The following FBXO21 variants were observed in gnomAD, a reference collection of about 807,000 sequenced individuals.
FBXO21 encodes F-box only protein 21.
A neutral mutation model predicts 76.6 loss-of-function variants in FBXO21; 32 were observed. That is an observed-to-expected ratio of 0.42 (90% CI 0.32 to 0.56). The LOEUF is 0.56. FBXO21 is among the 20% of genes least tolerant of loss of function. FBXO21 has a pLI of 0.16. For missense variants in FBXO21, 586 were observed against 797.3 expected, an observed-to-expected ratio of 0.73 and a Z score of 3.19; for synonymous variants, 328 against 311.5, an observed-to-expected ratio of 1.05 and a Z score of -0.56.
intron 9 of FBXO21, among the ~76,000 whole-genome samples, chr12:117,162,790 A>G (rs75953926): frequency 0.013 from 1,907 of 152,148 alleles, 38 homozygotes; most frequent in African/African-American, 0.044. Flanking sequence ...CAAACTGCAC[A>G]CTCATCAGCA....
At chr12:117,174,135 T>A in intron 6 of FBXO21, 70 bp downstream of exon 6, 1 of 1,293,778 alleles carries the variant, frequency 7.7e-7, no homozygotes, top group African/African-American at 1.5e-5. Context: ...AGACCCTGTC[T>A]CTAAAAACAG....
rs114045967 is a variant in FBXO21 at position 117,156,878 on chromosome 12, C to T, written c.1518-930G>A. ...ATCATATTAGGGAGGACTAATAACT[C>T]AATAGAAAAAAATACACGAAATGGG... On this transcript the variant is annotated intron_variant, in intron 10 of 11. Transcript: ENST00000622495. Among the ~76,000 whole-genome samples, 399 of 152,198 alleles carry T rather than the reference C, an allele frequency of 2.6e-3. 1 individual carries two copies. The highest frequency in any genetic ancestry group is 9.1e-3 in the African/African-American group (380 of 41,536).
At position 117,141,991 on chromosome 12, in the gene FBXO21, T is replaced by C. The variant is rs2135834267; in HGVS notation, c.*4096A>G. The C allele has an allele frequency of 6.6e-6, 1 of 152,380 alleles. No individual in the cohort carries two copies. The highest frequency in any genetic ancestry group is 2.1e-4 in the South Asian group (1 of 4,834). 9.4% of individuals were successfully genotyped at this position (152,380 alleles called of 1,614,324 possible). ...ACGTTCTATGGTGTTTGAGCCATTG[T>C]TGCTTTTCGGGTCTATTTATTACAG... On this transcript the variant is annotated 3_prime_UTR_variant, in exon 12 of 12. Transcript: ENST00000622495. This position sits in a 1 kb window ranked among gnomAD's most constrained non-coding sequence, Gnocchi z 4.3.
rs1297052174 is a variant in FBXO21 at position 117,142,470 on chromosome 12, T to C, written c.*3617A>G. 2.6e-5 allele frequency: 4 copies of C among 152,242 alleles called. No individual in the cohort carries two copies. The highest frequency in any genetic ancestry group is 5.9e-5 in the Non-Finnish European group (4 of 68,034). The allele number at this position is 152,242 out of a possible 1,614,324, so 9.4% of individuals were successfully genotyped here. ...AACATGTGACAGTCTGTACGTGGCC[T>C]GCAAAGCCTAAAATCTTTACTATCT... is the stretch of plus-strand genomic sequence containing the variant. On this transcript the variant is annotated 3_prime_UTR_variant, in exon 12 of 12. Transcript: ENST00000622495.
intron 11 of FBXO21, among the ~76,000 whole-genome samples, chr12:117,146,723 G>A (rs777705066): frequency 2.0e-5 from 3 of 152,128 alleles, no homozygotes; most frequent in Non-Finnish European, 4.4e-5. Flanking sequence ...TCTATTCACA[G>A]GAGCCCCTCA....
At chr12:117,174,167 A>G (rs766853754) in intron 6 of FBXO21, 38 bp downstream of exon 6, 8 of 1,526,254 alleles carry the variant, frequency 5.2e-6, no homozygotes, top group East Asian at 2.3e-5. Flanking sequence ...TACTATACCT[A>G]TATTACTATA....
chr12:117,188,972 C>T (rs779219937), intron 2 of FBXO21: 28 of 501,204 alleles, frequency 5.6e-5, no homozygotes, highest in Non-Finnish European at 1.0e-4. Flanking sequence ...CATTGTGCTG[C>T]GTGGGTCCCT....
chr12:117,188,664 A>C (rs1420165631), intron 2 of FBXO21: 2 of 151,672 alleles, frequency 1.3e-5, no homozygotes, highest in Admixed American at 6.6e-5. Flanking sequence ...AAAAAAAAAA[A>C]AAACCCAAAA....
intron 6 of FBXO21, among the ~76,000 whole-genome samples, chr12:117,173,531 A>G (rs949870602): frequency 6.6e-6 from 1 of 152,258 alleles, no homozygotes. Flanking sequence ...AAAAATAAAT[A>G]TAACAGATGC....
chr12:117,187,772 A>T (rs912759161), intron 2 of FBXO21, among the ~76,000 whole-genome samples: 1 of 152,266 alleles, frequency 6.6e-6, no homozygotes, highest in African/African-American at 2.4e-5. Context: ...CTCATAGTCC[A>T]TGACCAACTG....
intron 7 of FBXO21, among the ~76,000 whole-genome samples, chr12:117,168,264 G>A (rs111576798): frequency 0.041 from 6,183 of 152,212 alleles, 194 homozygotes; most frequent in Non-Finnish European, 0.066. Flanking sequence ...GGTGGCTAAC[G>A]CCTGTAATCT....
chr12:117,157,845 T>C lies in FBXO21; in HGVS notation c.1517+28A>G, dbSNP rs374405525. On this transcript the variant is annotated intron_variant, in intron 10 of 11. Coordinates refer to ENST00000622495, the MANE Select transcript of FBXO21 (RefSeq NM_015002.3). Reference sequence around the variant, plus strand: ...TCTGCAGCCCCTCTGGAACGGACACTGCAGGACAGATGATCCCGGGCACTC... The same window carrying C: ...TCTGCAGCCCCTCTGGAACGGACACCGCAGGACAGATGATCCCGGGCACTC... 4.5e-6 allele frequency: 7 copies of C among 1,570,146 alleles called. No homozygotes were observed. The African/African-American group carries it at 9.4e-5, about 21-fold the overall frequency.
chr12:117,180,504 G>A (rs1461070948), intron 3 of FBXO21, among the ~76,000 whole-genome samples: 1 of 152,090 alleles, frequency 6.6e-6, no homozygotes, highest in Non-Finnish European at 1.5e-5. Flanking sequence ...GGAGAATTCT[G>A]CTTCTCCAGG....
At chr12:117,182,629 C>G (rs1172046349) in intron 3 of FBXO21, among the ~76,000 whole-genome samples, 1 of 129,072 alleles carries the variant, frequency 7.7e-6, no homozygotes, top group East Asian at 2.5e-4. Context: ...GTGGTGCAAT[C>G]TCAGCTTACT....
chr12:117,149,987 G>C (rs1181627974), intron 11 of FBXO21, among the ~76,000 whole-genome samples: 2 of 152,186 alleles, frequency 1.3e-5, no homozygotes, highest in African/African-American at 4.8e-5. Context: ...GGTGCTCCCA[G>C]CCCCACTCCT....
chr12:117,159,688 A>G (rs1465603166), intron 9 of FBXO21, among the ~76,000 whole-genome samples: 2 of 152,216 alleles, frequency 1.3e-5, no homozygotes. Flanking sequence ...CAGTGCCTGC[A>G]TAATGGCTGT....
intron 11 of FBXO21, among the ~76,000 whole-genome samples, chr12:117,154,014 G>A (rs924056621): frequency 1.3e-5 from 2 of 152,190 alleles, no homozygotes; most frequent in Non-Finnish European, 2.9e-5. Context: ...ATGCCATGTG[G>A]TAAAGCCATA....
intron 7 of FBXO21, among the ~76,000 whole-genome samples, chr12:117,167,418 C>G (rs1956065337): frequency 6.6e-6 from 1 of 152,196 alleles, no homozygotes; most frequent in African/African-American, 2.4e-5. Context: ...AGGTAACCGT[C>G]TGTGGATCCT....
rs1374515379 is a variant in FBXO21, at chr12:117,146,016, C to T, written c.*71G>A. ...GCAGGTCCCGAGGGCTCCGTGGAGA[C>T]GTCTTCTTCCGGAGTCCCGTTCTCT... On this transcript the variant is annotated 3_prime_UTR_variant, in exon 12 of 12. Transcript: ENST00000622495. 25 of 1,327,376 alleles carry T rather than the reference C, an allele frequency of 1.9e-5. No individual in the cohort carries two copies. Among genetic ancestry groups the T allele is most frequent in the Admixed American group, 2.5e-5 (1 of 40,680 alleles). 82.2% of individuals were successfully genotyped at this position (1,327,376 alleles called of 1,614,324 possible). A position where few individuals can be genotyped will look rare whatever the true frequency, so the allele number is the denominator to read the frequency against.
Sources: allele counts gnomAD v4.1 joint callset (sites outside exome capture counted in the v4.1 genomes callset), GRCh38; gene constraint gnomAD v4.1.1; non-coding constraint Gnocchi (gnomAD v3.1); transcripts MANE v1.5; gene names NCBI Gene and HGNC (gene_info 2026-07-23, HGNC 2026-07-21).